The following KNTC1 variants were observed in gnomAD, a reference collection of about 807,000 sequenced individuals.
KNTC1 encodes kinetochore-associated protein 1.
In KNTC1, 253 loss-of-function variants were observed where a neutral mutation model predicts 314.4. The observed-to-expected ratio is 0.80, with a 90% confidence interval of 0.73 to 0.89. The LOEUF is 0.89. Among genes scored for constraint, KNTC1 ranks in the 40% least tolerant of loss-of-function variants. KNTC1 has a pLI of 0.00. For synonymous variants in KNTC1, 901 were observed against 901.4 expected (o/e 1.00, Z 0.01); for missense variants, 2,475 against 2,572.9 (o/e 0.96, Z 0.82).
rs1874844391 is a variant in KNTC1, at chr12:122,624,814, A to G, written c.6606+126A>G. On this transcript the variant is annotated intron_variant, in intron 63 of 63. Transcript: ENST00000333479. ...ATTTTTATGTGTAACTGTAATTTTT[A>G]TATTTTACTTTTTGTGTTAGAGAGT... The G allele has an allele frequency of 4.0e-6, 3 of 746,598 alleles. No homozygotes were observed. The South Asian group carries it at 4.1e-5, about 10-fold the overall frequency. 46.2% of individuals were successfully genotyped at this position (746,598 alleles called of 1,614,324 possible). A position where few individuals can be genotyped will look rare whatever the true frequency, so the allele number is the denominator to read the frequency against.
At chr12:122,590,010 C>T (rs1319087650) in intron 40 of KNTC1, among the ~76,000 whole-genome samples, 1 of 151,848 alleles carries the variant, frequency 6.6e-6, no homozygotes, top group Non-Finnish European at 1.5e-5. Context: ...GTCTTGATAT[C>T]CTGACCCTTG....
Position 122,582,853 on chromosome 12 carries a change from G to A in KNTC1, c.3131G>A (p.Arg1044Lys), listed in dbSNP as rs754594527. 1.2e-6 allele frequency: 2 copies of A among 1,612,034 alleles called. No homozygotes were observed. Among genetic ancestry groups the A allele is most frequent in the African/African-American group, 2.7e-5 (2 of 74,892 alleles). The change falls in exon 34 of 64, where the codon AGG (arginine) becomes AAG (lysine). Residue 1044 changes from arginine (R) to lysine (K), a missense_variant. Physicochemically the swap from Arg to Lys is conservative, Grantham distance 26 (BLOSUM62 2). Coordinates refer to ENST00000333479, the MANE Select transcript of KNTC1 (RefSeq NM_014708.6). ...STPEPIAAEV[R>K]SPSMESKLHR... ...CCAGAGCCCATAGCTGCTGAGGTGAGGAGCCCAAGCATGGAATCAAAGCTG... is the reference window on the plus strand; with the variant it reads ...CCAGAGCCCATAGCTGCTGAGGTGAAGAGCCCAAGCATGGAATCAAAGCTG...
In KNTC1 at chr12:122,591,470, C is replaced by T. The variant is rs771834693; in HGVS notation, c.4245+17C>T. On this transcript the variant is annotated intron_variant, in intron 42 of 63. Coordinates refer to ENST00000333479, the MANE Select transcript of KNTC1 (RefSeq NM_014708.6). ...AAACTTGGTGTGAGTATTCTTTGTA[C>T]TGCTGTCATCGATTCTGTTAATTAC... The T allele has an allele frequency of 1.7e-6, 2 of 1,188,684 alleles. No individual in the cohort carries two copies. The highest frequency in any genetic ancestry group is 1.9e-5 in the Admixed American group (1 of 53,890). The allele number at this position is 1,188,684 out of a possible 1,614,324, so 73.6% of individuals were successfully genotyped here. A position where few individuals can be genotyped will look rare whatever the true frequency, so the allele number is the denominator to read the frequency against.
chr12:122,590,481 TA>T (rs35062026), intron 40 of KNTC1, 125 bp from the exon 41 acceptor site: 2 of 952,028 alleles, frequency 2.1e-6, no homozygotes, highest in Non-Finnish European at 3.0e-6. Flanking sequence ...TTTTTTTCTT[TA>T]AAAAGTTTTT....
At chr12:122,602,513 T>G in intron 45 of KNTC1, 56 bp from the exon 46 acceptor site, 1 of 1,081,084 alleles carries the variant, frequency 9.2e-7, no homozygotes, top group Non-Finnish European at 1.3e-6. Context: ...GATGATTTTA[T>G]GACAGTTTAG....
intron 34 of KNTC1, among the ~76,000 whole-genome samples, chr12:122,583,358 C>CT (rs762316476): frequency 6.6e-6 from 1 of 152,180 alleles, no homozygotes; most frequent in Non-Finnish European, 1.5e-5. Context: ...CAGTGACACT[C>CT]TTTTTTCACA....
At chr12:122,575,719 A>T (rs1052044469) in intron 28 of KNTC1, 73 bp downstream of exon 28, 10 of 1,477,364 alleles carry the variant, frequency 6.8e-6, no homozygotes, top group Non-Finnish European at 7.5e-6. Context: ...ACGTTCATTT[A>T]TGTTTCTATA....
chr12:122,543,260 T>C (rs745866424), intron 6 of KNTC1, among the ~76,000 whole-genome samples: 6 of 152,098 alleles, frequency 3.9e-5, no homozygotes, highest in Admixed American at 1.3e-4. Flanking sequence ...TGCTACGTCT[T>C]GGGTATATGA....
At position 122,605,320 on chromosome 12, in the gene KNTC1, G is replaced by C. The variant is rs1415936427; in HGVS notation, c.5401G>C (p.Ala1801Pro). The C allele has an allele frequency of 1.3e-6, 2 of 1,594,348 alleles. No individual in the cohort carries two copies. The highest frequency in any genetic ancestry group is 2.7e-5 in the African/African-American group (2 of 74,336). Reference protein sequence around the residue: ...GTDYPDIHAAAKEIAEVNEIN... With the variant: ...GTDYPDIHAAPKEIAEVNEIN... Reference sequence around the variant, plus strand: ...GAATATCTTAGATATTCATGCAGCAGCTAAAGAAATAGCCGAAGTCAATGA... The same window carrying C: ...GAATATCTTAGATATTCATGCAGCACCTAAAGAAATAGCCGAAGTCAATGA... Residue 1801 changes from alanine (A) to proline (P), a missense_variant, in exon 51 of 64, where the codon GCT becomes CCT. By Grantham distance (27) the Ala-to-Pro change is conservative. Coordinates refer to ENST00000333479, the MANE Select transcript of KNTC1 (RefSeq NM_014708.6).
intron 12 of KNTC1, among the ~76,000 whole-genome samples, chr12:122,549,309 G>A (rs143621733): frequency 6.6e-5 from 10 of 151,572 alleles, no homozygotes; most frequent in Non-Finnish European, 1.2e-4. Context: ...CGCCTGCCTC[G>A]GCCTCCCAAA....
intron 16 of KNTC1, among the ~76,000 whole-genome samples, chr12:122,556,778 T>A (rs1963629010): frequency 6.6e-6 from 1 of 152,146 alleles, no homozygotes; most frequent in African/African-American, 2.4e-5. Context: ...TCTCTACTTT[T>A]ATGAGTTTGA....
chr12:122,532,556 C>A (rs1961447693), intron 2 of KNTC1, among the ~76,000 whole-genome samples: 1 of 152,038 alleles, frequency 6.6e-6, no homozygotes, highest in Non-Finnish European at 1.5e-5. Flanking sequence ...GTGGCTCAGG[C>A]CTTTCTTGAC....
chr12:122,574,000 T>C (rs76907746), intron 26 of KNTC1, among the ~76,000 whole-genome samples: 2,398 of 152,306 alleles, frequency 0.016, 50 homozygotes, highest in African/African-American at 0.052. Flanking sequence ...AGCAGTTATT[T>C]CTTGTGGATG....
chr12:122,623,009 G>T (rs1472930780), intron 62 of KNTC1, among the ~76,000 whole-genome samples: 1 of 151,986 alleles, frequency 6.6e-6, no homozygotes, highest in East Asian at 1.9e-4. Context: ...CTATTTGGTT[G>T]TAATTAAAAG....
chr12:122,575,873 G>A lies in KNTC1; in HGVS notation c.2560G>A (p.Val854Ile), dbSNP rs774771775. ...KLLRGYGIRE[V>I]NLLNKEIMRV... ...TTTACGAGGCTATGGAATAAGAGAG[G>A]TAAATCTCTTAAACAAGGAAATAAT... The change falls in exon 29 of 64, where the codon GTA becomes ATA. Residue 854 changes from valine to isoleucine, a missense_variant. Val to Ile is a conservative substitution (Grantham distance 29). Transcript: ENST00000333479. The A allele has an allele frequency of 4.3e-6, 7 of 1,612,312 alleles. No individual in the cohort carries two copies. The African/African-American group carries it at 9.4e-5, about 22-fold the overall frequency.
At chr12:122,566,685 A>G (rs1439678341) in intron 20 of KNTC1, among the ~76,000 whole-genome samples, 2 of 151,114 alleles carry the variant, frequency 1.3e-5, no homozygotes, top group Admixed American at 1.3e-4. Context: ...GCTGGGTTAC[A>G]GGAGTGAGCC....
chr12:122,604,156 G>A (rs928684286), intron 48 of KNTC1, among the ~76,000 whole-genome samples: 42 of 150,146 alleles, frequency 2.8e-4, no homozygotes, highest in Non-Finnish European at 5.0e-4. Context: ...CTGATGAGAG[G>A]GCCCCGGTGG....
chr12:122,571,250 T>C, intron 24 of KNTC1, 124 bp downstream of exon 24: 2 of 636,076 alleles, frequency 3.1e-6, no homozygotes, highest in Non-Finnish European at 5.1e-6. Context: ...TTTGTGCCTT[T>C]TTTTTGTTTT....
chr12:122,594,016 C>T (rs747290199), intron 42 of KNTC1: 3 of 421,872 alleles, frequency 7.1e-6, no homozygotes, highest in East Asian at 8.0e-5. Flanking sequence ...AGTAATGGAA[C>T]TGGTGTTCTG....
Sources: gnomAD v4.1 joint callset for allele counts (sites outside exome capture counted in the v4.1 genomes callset) on GRCh38, gnomAD v4.1.1 for gene constraint, MANE v1.5 for transcripts, NCBI Gene and HGNC (gene_info 2026-07-23, HGNC 2026-07-21) for gene names.